The following RBFOX3 variants were observed in gnomAD, a reference collection of about 807,000 sequenced individuals.
RBFOX3 encodes the protein RNA binding fox-1 homolog 3, also known as RNA binding protein fox-1 homolog 3.
RBFOX3 carries 17 observed loss-of-function variants against 48.7 expected under a neutral mutation model. The observed-to-expected ratio is 0.35, with a 90% CI of 0.24 to 0.52. The LOEUF is 0.52. RBFOX3 is among the 20% of genes least tolerant of loss of function. RBFOX3 has a pLI of 0.94. For missense variants in RBFOX3, 382 were observed against 497.5 expected, an observed-to-expected ratio of 0.77 and a Z score of 2.21; for synonymous variants, 212 against 209.5, an observed-to-expected ratio of 1.01 and a Z score of -0.10.
intron 1 of RBFOX3, among the ~76,000 whole-genome samples, chr17:79,530,629 C>T (rs1286057776): frequency 6.6e-6 from 1 of 152,054 alleles, no homozygotes; most frequent in Non-Finnish European, 1.5e-5. Context: ...CCTTGATCAG[C>T]GCCAGCCTGT....
chr17:79,280,159 A>G (rs2069956195), intron 3 of RBFOX3, among the ~76,000 whole-genome samples: 1 of 127,538 alleles, frequency 7.8e-6, no homozygotes, highest in South Asian at 2.8e-4. Flanking sequence ...GTGCACACAC[A>G]CACGCACACA....
At chr17:79,374,660 T>A (rs1182863482) in intron 2 of RBFOX3, among the ~76,000 whole-genome samples, 1 of 152,236 alleles carries the variant, frequency 6.6e-6, no homozygotes, top group Non-Finnish European at 1.5e-5. Flanking sequence ...TCCGTTCGCA[T>A]GTTTGCGGGC....
intron 1 of RBFOX3, among the ~76,000 whole-genome samples, chr17:79,608,088 T>C (rs1290508301): frequency 6.6e-6 from 1 of 152,064 alleles, no homozygotes; most frequent in Non-Finnish European, 1.5e-5. Flanking sequence ...CCTGGGACCG[T>C]GTCAGAGGAG....
intron 1 of RBFOX3, among the ~76,000 whole-genome samples, chr17:79,556,842 A>C (rs2091799214): frequency 6.6e-6 from 1 of 152,152 alleles, no homozygotes; most frequent in Non-Finnish European, 1.5e-5. Flanking sequence ...GACAGAATCA[A>C]GGACTCCTCA....
At chr17:79,611,982 G>C (rs2093973084), upstream of RBFOX3, among the ~76,000 whole-genome samples, 1 of 152,122 alleles carries the variant, frequency 6.6e-6, no homozygotes. Flanking sequence ...TGAGTTCTGG[G>C]AGGGTCTCTA....
chr17:79,381,597 A>ATGT (rs879288590), intron 2 of RBFOX3, among the ~76,000 whole-genome samples: 3,805 of 152,318 alleles, frequency 0.025, 62 homozygotes, highest in African/African-American at 0.046. Flanking sequence ...CGGGCCTGGC[A>ATGT]TCCAGCTGTG....
At chr17:79,469,424 G>A (rs1250832752) in intron 2 of RBFOX3, among the ~76,000 whole-genome samples, 1 of 152,190 alleles carries the variant, frequency 6.6e-6, no homozygotes, top group Non-Finnish European at 1.5e-5. Context: ...TGTGTGGAGA[G>A]GACCCCACTC....
At chr17:79,427,241 C>G (rs2067559909) in intron 2 of RBFOX3, among the ~76,000 whole-genome samples, 1 of 152,204 alleles carries the variant, frequency 6.6e-6, no homozygotes, top group South Asian at 2.1e-4. Context: ...AGCAGTGCGG[C>G]CAGGGAGGCT....
At chr17:79,125,379 C>T (rs530599355) in intron 4 of RBFOX3, among the ~76,000 whole-genome samples, 1 of 152,338 alleles carries the variant, frequency 6.6e-6, no homozygotes, top group South Asian at 2.1e-4. Flanking sequence ...GAGGCAGGGC[C>T]GGGCAGAAGC....
chr17:79,571,014 G>A (rs1296701851), intron 1 of RBFOX3, among the ~76,000 whole-genome samples: 1 of 152,162 alleles, frequency 6.6e-6, no homozygotes, highest in Non-Finnish European at 1.5e-5. Flanking sequence ...GGGAGGAGGA[G>A]TGAGGCCAAA....
rs776016743 is a variant in RBFOX3, at chr17:79,106,775, G to T, written c.236C>A (p.Ala79Glu). 2.0e-6 allele frequency: 3 copies of T among 1,521,816 alleles called. No individual in the cohort carries two copies. The highest frequency in any genetic ancestry group is 2.6e-5 in the East Asian group (1 of 38,128). The allele number at this position is 1,521,816 out of a possible 1,614,324, so 94.3% of individuals were successfully genotyped here. A position where few individuals can be genotyped will look rare whatever the true frequency, so the allele number is the denominator to read the frequency against. ...GTQTVPQTDEAAQTDSQPLHP... is the reference protein window; with the variant it reads ...GTQTVPQTDEEAQTDSQPLHP... ...GAGCGGCTGGCTGTCCGTCTGTGCC[G>T]CCTCGTCTGTCTGCTGCAGGGAGAG... Residue 79 changes from alanine (A) to glutamate (E), a missense_variant, in exon 6 of 15, where the codon GCG (alanine) becomes GAG (glutamate). Ala to Glu is a moderately radical substitution (Grantham distance 107, BLOSUM62 -1). Coordinates refer to ENST00000693108, the MANE Select transcript of RBFOX3 (RefSeq NM_001350451.2).
intron 4 of RBFOX3, among the ~76,000 whole-genome samples, chr17:79,141,896 C>G (rs1460041288): frequency 6.6e-6 from 1 of 152,192 alleles, no homozygotes; most frequent in Non-Finnish European, 1.5e-5. Context: ...CTCTGGAGAG[C>G]CAGCCTGGCC....
At chr17:79,296,980 T>G (rs886103354) in intron 3 of RBFOX3, among the ~76,000 whole-genome samples, 2 of 138,250 alleles carry the variant, frequency 1.4e-5, no homozygotes, top group African/African-American at 5.3e-5. Flanking sequence ...CCCTCTCCTC[T>G]TCCTCCTCCC....
rs1229991269 is a variant in RBFOX3 at position 79,204,594 on chromosome 17, A to G, written c.-34+31172T>C. Among the ~76,000 whole-genome samples the G allele has an allele frequency of 2.0e-5, 3 of 152,116 alleles. No homozygotes were observed. Among genetic ancestry groups the G allele is most frequent in the African/African-American group, 4.8e-5 (2 of 41,422 alleles). On this transcript the variant is annotated intron_variant, in intron 4 of 14. Coordinates refer to ENST00000693108, the MANE Select transcript of RBFOX3 (RefSeq NM_001350451.2). The surrounding 1 kb of genome is among the most constrained non-coding windows in gnomAD (Gnocchi z 4.5). ...ATGCTGTGAACAGAGAACCCACTAGATGACTCTGTGTCCCAGAAGGGTATG... is the reference window on the plus strand; with the variant it reads ...ATGCTGTGAACAGAGAACCCACTAGGTGACTCTGTGTCCCAGAAGGGTATG...
chr17:79,492,650 G>A (rs1485948247), intron 1 of RBFOX3, among the ~76,000 whole-genome samples: 1 of 152,240 alleles, frequency 6.6e-6, no homozygotes, highest in South Asian at 2.1e-4. Flanking sequence ...CCAGATTCCT[G>A]AACCTCAGAA....
At chr17:79,533,866 C>T (rs1438507994) in intron 1 of RBFOX3, among the ~76,000 whole-genome samples, 6 of 152,186 alleles carry the variant, frequency 3.9e-5, no homozygotes, top group African/African-American at 9.7e-5. Context: ...CCCACTAACC[C>T]GAAATAACTC....
At chr17:79,489,432 C>G (rs911324747) in intron 1 of RBFOX3, among the ~76,000 whole-genome samples, 1 of 152,130 alleles carries the variant, frequency 6.6e-6, no homozygotes, top group Non-Finnish European at 1.5e-5. Context: ...GTAGCTGGGA[C>G]TACAGGTGTG....
chr17:79,375,231 G>A (rs914575747), intron 2 of RBFOX3, among the ~76,000 whole-genome samples: 3 of 152,162 alleles, frequency 2.0e-5, no homozygotes, highest in African/African-American at 7.2e-5. Context: ...TCATTTCCCA[G>A]GCAGCTGGTC....
chr17:79,491,305 T>C lies in RBFOX3; in HGVS notation c.-319-8707A>G, dbSNP rs373090018. Reference sequence around the variant, plus strand: ...GTAGCAGGAGATGAGACCAGACATATAAGTTAGAAACCAGATCAGGAAGTA... The same window carrying C: ...GTAGCAGGAGATGAGACCAGACATACAAGTTAGAAACCAGATCAGGAAGTA... On this transcript the variant is annotated intron_variant, in intron 1 of 14. Transcript: ENST00000693108. Among the ~76,000 whole-genome samples, 1,224 of 151,562 alleles carry C rather than the reference T, an allele frequency of 8.1e-3. 18 individuals are homozygous for C. Among genetic ancestry groups the C allele is most frequent in the African/African-American group, 0.028 (1,172 of 41,264 alleles).
Sources: gnomAD v4.1 joint callset for allele counts (sites outside exome capture counted in the v4.1 genomes callset) on GRCh38, gnomAD v4.1.1 for gene constraint, Gnocchi (gnomAD v3.1) non-coding constraint, MANE v1.5 for transcripts, NCBI Gene and HGNC (gene_info 2026-07-23, HGNC 2026-07-21) for gene names.